Variants in EHMT1 observed in about 807,000 individuals in gnomAD.
The protein encoded by EHMT1 is euchromatic histone lysine methyltransferase 1.
In EHMT1, 15 loss-of-function variants were observed where a neutral mutation model predicts 147.2. The observed-to-expected ratio is 0.10, with a 90% CI of 0.07 to 0.16. EHMT1 has a LOEUF of 0.16. Among genes scored for constraint, EHMT1 ranks in the 10% least tolerant of loss-of-function variants. EHMT1 has a pLI of 1.00. For missense variants in EHMT1, 1,587 were observed against 1,772.4 expected (o/e 0.90, Z 1.88); for synonymous variants, 795 against 709.6 (o/e 1.12, Z -1.91).
intron 1 of EHMT1, among the ~76,000 whole-genome samples, chr9:137,624,387 T>G (rs1423868489): frequency 6.6e-6 from 1 of 151,102 alleles, no homozygotes; most frequent in Non-Finnish European, 1.5e-5. Flanking sequence ...TGGTGTGTGA[T>G]CTTGTCTTTC....
chr9:137,661,732 C>T (rs963858183), intron 1 of EHMT1, among the ~76,000 whole-genome samples: 1 of 152,110 alleles, frequency 6.6e-6, no homozygotes, highest in African/African-American at 2.4e-5. Context: ...GTGATCCACC[C>T]ACCTCTGCCT....
intron 1 of EHMT1, among the ~76,000 whole-genome samples, chr9:137,689,143 T>G (rs1227515922): frequency 6.6e-6 from 1 of 152,238 alleles, no homozygotes; most frequent in African/African-American, 2.4e-5. Flanking sequence ...GAAAGGATTT[T>G]ATTTTCAATT....
At chr9:137,818,254 G>A in intron 25 of EHMT1, 116 bp downstream of exon 25, 1 of 1,176,614 alleles carries the variant, frequency 8.5e-7, no homozygotes, top group Non-Finnish European at 1.3e-6. Context: ...ACAAGAGTGG[G>A]CTTGCTATAG....
At chr9:137,716,031 G>C (rs959154744) in intron 2 of EHMT1, among the ~76,000 whole-genome samples, 2 of 149,280 alleles carry the variant, frequency 1.3e-5, no homozygotes, top group Non-Finnish European at 3.0e-5. Context: ...TGGTGTCATA[G>C]GGGGAGGAAA....
intron 1 of EHMT1, among the ~76,000 whole-genome samples, chr9:137,627,622 G>A (rs1470485566): frequency 6.6e-6 from 1 of 150,814 alleles, no homozygotes; most frequent in African/African-American, 2.4e-5. Flanking sequence ...GCCGCGCCCG[G>A]CCCTTTTGCA....
intron 8 of EHMT1, among the ~76,000 whole-genome samples, chr9:137,755,572 T>TA (rs1186423876): frequency 6.6e-6 from 1 of 152,244 alleles, no homozygotes; most frequent in Non-Finnish European, 1.5e-5. Context: ...GGTGCTTCCC[T>TA]AGATCTTGGT....
intron 1 of EHMT1, among the ~76,000 whole-genome samples, chr9:137,691,952 T>C (rs1942972788): frequency 6.6e-6 from 1 of 152,230 alleles, no homozygotes; most frequent in African/African-American, 2.4e-5. Context: ...AGAGGACCTT[T>C]TGAGAGTGTT....
intron 6 of EHMT1, among the ~76,000 whole-genome samples, chr9:137,744,652 A>G (rs1302463542): frequency 6.6e-6 from 1 of 152,224 alleles, no homozygotes; most frequent in Non-Finnish European, 1.5e-5. Context: ...ATTGACAGGA[A>G]TGATATTGCT....
chr9:137,653,554 G>A (rs1395302361), intron 1 of EHMT1, among the ~76,000 whole-genome samples: 4 of 151,932 alleles, frequency 2.6e-5, no homozygotes, highest in African/African-American at 9.7e-5. Flanking sequence ...TTGAGACAGA[G>A]TTTTGCTCTT....
intron 18 of EHMT1, chr9:137,802,384 C>T (rs1174089982): frequency 3.0e-5 from 12 of 398,470 alleles, no homozygotes; most frequent in African/African-American, 2.1e-4. Context: ...TGCTGTAGCC[C>T]ACAGAGCTGT....
chr9:137,744,223 T>C (rs71510839), intron 6 of EHMT1, 133 bp downstream of exon 6: 1 of 919,604 alleles, frequency 1.1e-6, no homozygotes, highest in Non-Finnish European at 1.7e-6. Context: ...TAGATTTTTG[T>C]ATTTTATTTT....
rs1190382902 is a variant in EHMT1, at chr9:137,811,455, G to A, written c.2713-6G>A. 1 of 1,612,318 alleles carries A rather than the reference G, an allele frequency of 6.2e-7. No homozygotes were observed. Among genetic ancestry groups the A allele is most frequent in the East Asian group, 2.2e-5 (1 of 44,864 alleles). On this transcript the variant is annotated splice_polypyrimidine_tract_variant and splice_region_variant and intron_variant, in intron 18 of 26. Coordinates refer to ENST00000460843, the MANE Select transcript of EHMT1 (RefSeq NM_024757.5). ...CTGCACTGAGCTCTGGCTTGTGTCT[G>A]TTCAGGAGGAGAACATTTGCCTGCA... is the stretch of plus-strand genomic sequence containing the variant.
At chr9:137,820,792 G>A (rs1371772724) in intron 25 of EHMT1, among the ~76,000 whole-genome samples, 2 of 152,192 alleles carry the variant, frequency 1.3e-5, no homozygotes, top group African/African-American at 2.4e-5. Context: ...CAATCAGTCT[G>A]CTGACTGTTC....
chr9:137,670,966 T>A (rs1020711558), intron 1 of EHMT1, among the ~76,000 whole-genome samples: 3 of 152,200 alleles, frequency 2.0e-5, no homozygotes, highest in Non-Finnish European at 4.4e-5. Flanking sequence ...TTGGCTTGGC[T>A]TTGTCATCGT....
At chr9:137,630,798 G>A (rs1490745506) in intron 1 of EHMT1, among the ~76,000 whole-genome samples, 1 of 152,122 alleles carries the variant, frequency 6.6e-6, no homozygotes, top group Non-Finnish European at 1.5e-5. Context: ...GTGCACAGTG[G>A]AATTACAAGG....
At chr9:137,818,015 T>G (rs1344501724) in intron 24 of EHMT1, 45 bp from the exon 25 acceptor site, 3 of 1,596,978 alleles carry the variant, frequency 1.9e-6, no homozygotes, top group Non-Finnish European at 2.6e-6. Context: ...CTGTGGGCAG[T>G]GCTCGCTGCC....
Position 137,683,903 on chromosome 9 carries a change from G to T in EHMT1, c.22-27064G>T, listed in dbSNP as rs185404845. 1.5e-3 allele frequency among the ~76,000 whole-genome samples: 234 copies of T among 152,090 alleles called. 1 individual carries two copies. The highest frequency in any genetic ancestry group is 5.4e-3 in the African/African-American group (225 of 41,498). On this transcript the variant is annotated intron_variant, in intron 1 of 26. Coordinates refer to ENST00000460843, the MANE Select transcript of EHMT1 (RefSeq NM_024757.5). Reference sequence around the variant, plus strand: ...CCACCCCCGCAGCTTGTATTGTGATGAGTTTGATGTATATCCTTCAAGATC... The same window carrying T: ...CCACCCCCGCAGCTTGTATTGTGATTAGTTTGATGTATATCCTTCAAGATC...
At chr9:137,627,956 C>G (rs2133555699) in intron 1 of EHMT1, among the ~76,000 whole-genome samples, 1 of 152,286 alleles carries the variant, frequency 6.6e-6, no homozygotes, top group African/African-American at 2.4e-5. Context: ...GTGATCCACC[C>G]TCCTGGGTCT....
At chr9:137,673,802 G>A (rs1589209601) in intron 1 of EHMT1, among the ~76,000 whole-genome samples, 2 of 152,280 alleles carry the variant, frequency 1.3e-5, no homozygotes, top group Admixed American at 1.3e-4. Flanking sequence ...TGAAAAGATG[G>A]AAAATGACAC....
Sources: allele counts gnomAD v4.1 joint callset (sites outside exome capture counted in the v4.1 genomes callset), GRCh38; gene constraint gnomAD v4.1.1; transcripts MANE v1.5; gene names NCBI Gene and HGNC (gene_info 2026-07-23, HGNC 2026-07-21).